The following TMEM170B variants were observed in gnomAD, a reference collection of about 807,000 sequenced individuals.
The protein encoded by TMEM170B is transmembrane protein 170B.
Under a neutral mutation model 13.0 loss-of-function variants are expected in TMEM170B, and 6 were observed. The ratio of observed to expected loss-of-function variants is 0.46; its 90% CI spans 0.25 to 0.91. The LOEUF is 0.91. TMEM170B is among the 40% of genes least tolerant of loss of function. The pLI is 0.17. For synonymous variants in TMEM170B, 61 were observed against 64.9 expected, an observed-to-expected ratio of 0.94 and a Z score of 0.29; for missense variants, 138 against 165.2, an observed-to-expected ratio of 0.84 and a Z score of 0.90.
chr6:11,543,003 C>G (rs1050560888), intron 1 of TMEM170B, among the ~76,000 whole-genome samples: 2 of 152,188 alleles, frequency 1.3e-5, no homozygotes, highest in Non-Finnish European at 2.9e-5. Flanking sequence ...GTCTTTGCCT[C>G]TAGACTCCTC....
At chr6:11,557,489 C>T (rs537990557) in intron 1 of TMEM170B, among the ~76,000 whole-genome samples, 15 of 152,134 alleles carry the variant, frequency 9.9e-5, no homozygotes, top group Admixed American at 9.2e-4. Flanking sequence ...ATATCCTGCA[C>T]ATGCACCCCA....
At position 11,560,969 on chromosome 6, in the gene TMEM170B, G is replaced by A. The variant is rs939838294; in HGVS notation, c.98-4697G>A. Among the ~76,000 whole-genome samples the A allele has an allele frequency of 5.9e-5, 9 of 152,274 alleles. No individual in the cohort carries two copies. The South Asian group carries it at 1.9e-3, about 32-fold the overall frequency. ...AGCTGATGAAAGTTACAGATTGGGA[G>A]CAGAGCTATTTCTAGTATTGTTTGG... On this transcript the variant is annotated intron_variant, in intron 1 of 2. Transcript: ENST00000379426.
At position 11,538,244 on chromosome 6, in the gene TMEM170B, C is replaced by T. The variant is rs1759308005; in HGVS notation, c.-34C>T. 8.1e-7 allele frequency: 1 copy of T among 1,239,566 alleles called. No homozygotes were observed. The highest frequency in any genetic ancestry group is 1.0e-6 in the Non-Finnish European group (1 of 977,616). The allele number at this position is 1,239,566 out of a possible 1,614,324, so 76.8% of individuals were successfully genotyped here. On this transcript the variant is annotated 5_prime_UTR_variant, in exon 1 of 3. Transcript: ENST00000379426. ...CGCAGCCGCCGCCGCCGCCCGGCAC[C>T]CGAGGAGAGGGCGGCGGGCGCCCCT...
chr6:11,551,533 A>C (rs1759525273), intron 1 of TMEM170B, among the ~76,000 whole-genome samples: 1 of 152,162 alleles, frequency 6.6e-6, no homozygotes. Context: ...AAAAGCAGAA[A>C]ACTGTCTCGA....
rs991746752 is a variant in TMEM170B, at chr6:11,576,926, G to T, written c.*1365G>T. 2 of 152,112 alleles carry T rather than the reference G, an allele frequency of 1.3e-5. No individual in the cohort carries two copies. The highest frequency in any genetic ancestry group is 2.9e-5 in the Non-Finnish European group (2 of 67,962). 9.4% of individuals were successfully genotyped at this position (152,112 alleles called of 1,614,324 possible). ...TAAGAGGTTCTGGCAATACGTAATT[G>T]TAAGAGTATAGGAAGTAGGGTTGAA... On this transcript the variant is annotated 3_prime_UTR_variant, in exon 3 of 3. Coordinates refer to ENST00000379426, the MANE Select transcript of TMEM170B (RefSeq NM_001100829.3).
At chr6:11,542,093 G>A (rs1433985539) in intron 1 of TMEM170B, among the ~76,000 whole-genome samples, 2 of 152,140 alleles carry the variant, frequency 1.3e-5, no homozygotes, top group African/African-American at 4.8e-5. Context: ...CATGCTGTTG[G>A]AAAAATGGTA....
At chr6:11,552,988 T>C (rs1468255925) in intron 1 of TMEM170B, among the ~76,000 whole-genome samples, 5 of 152,226 alleles carry the variant, frequency 3.3e-5, no homozygotes, top group African/African-American at 4.8e-5. Context: ...CATAGGACTT[T>C]AGAAATTCGC....
rs1018949623 is a variant in TMEM170B, at chr6:11,576,538, C to G, written c.*977C>G. The G allele has an allele frequency of 6.6e-6, 1 of 152,024 alleles. No homozygotes were observed. 9.4% of individuals were successfully genotyped at this position (152,024 alleles called of 1,614,324 possible). The stretch of plus-strand genomic sequence containing the variant: ...GCATATATCTTGATTTTTGACAAAA[C>G]ATAAACAGTCTTTCATTCTGGAGTA... On this transcript the variant is annotated 3_prime_UTR_variant, in exon 3 of 3. Transcript: ENST00000379426.
intron 1 of TMEM170B, among the ~76,000 whole-genome samples, chr6:11,543,907 T>G (rs181680001): frequency 9.8e-5 from 15 of 152,330 alleles, no homozygotes; most frequent in African/African-American, 2.6e-4. Flanking sequence ...GAGACTGACC[T>G]CTAGAAAGTA....
At chr6:11,543,033 C>CA in intron 1 of TMEM170B, among the ~76,000 whole-genome samples, 3 of 152,292 alleles carry the variant, frequency 2.0e-5, no homozygotes, top group Non-Finnish European at 2.9e-5. Flanking sequence ...TACCATGCTA[C>CA]TTCAGCTACT....
chr6:11,540,919 C>T (rs1463622678), intron 1 of TMEM170B, among the ~76,000 whole-genome samples: 1 of 152,164 alleles, frequency 6.6e-6, no homozygotes, highest in Non-Finnish European at 1.5e-5. Context: ...CATCACAGCT[C>T]TTGGTTGACC....
chr6:11,538,103 C>T lies in TMEM170B; in HGVS notation c.-175C>T, dbSNP rs988117684. The stretch of plus-strand genomic sequence containing the variant: ...CTGCCTGGGAGACACGCTGAGCGGC[C>T]CCCCCACGGAGGCCCTCCGGCTGCA... On this transcript the variant is annotated 5_prime_UTR_variant, in exon 1 of 3. Transcript: ENST00000379426. Among the ~76,000 whole-genome samples the T allele has an allele frequency of 3.3e-5, 5 of 151,116 alleles. No individual in the cohort carries two copies. In the East Asian group the frequency reaches 5.9e-4, roughly 18 times the overall value.
Position 11,575,555 on chromosome 6 carries a change from A to G in TMEM170B, c.393A>G (p.Thr131=), listed in dbSNP as rs1316976741. 1.9e-6 allele frequency: 3 copies of G among 1,612,880 alleles called. No homozygotes were observed. In the African/African-American group the frequency reaches 4.0e-5, roughly 22 times the overall value. The change falls in exon 3 of 3, where the codon ACA becomes ACG. Residue 131 remains threonine, a synonymous_variant. Transcript: ENST00000379426. The surrounding 1 kb of genome is among the most constrained non-coding windows in gnomAD (Gnocchi z 4.1). ...LIISFSRILA[T]L ...TCTCCTTTTCAAGGATCCTCGCTAC[A>G]CTTTGAGGTTTCTGTGGGAATGTCT...
intron 1 of TMEM170B, among the ~76,000 whole-genome samples, chr6:11,543,858 A>G (rs1056408042): frequency 1.3e-5 from 2 of 152,224 alleles, no homozygotes; most frequent in Admixed American, 1.3e-4. Context: ...TATTATCCCA[A>G]TAGGTGAAGT....
intron 1 of TMEM170B, among the ~76,000 whole-genome samples, chr6:11,553,243 AAAAC>A (rs1425037888): frequency 6.6e-6 from 1 of 152,182 alleles, no homozygotes; most frequent in Non-Finnish European, 1.5e-5. Context: ...GTTTAATTGA[AAAAC>A]AAAAATCCAC....
At chr6:11,566,825 C>T (rs920820705) in intron 2 of TMEM170B, among the ~76,000 whole-genome samples, 2 of 152,196 alleles carry the variant, frequency 1.3e-5, no homozygotes, top group Non-Finnish European at 2.9e-5. Context: ...GGCGAGCATG[C>T]GCAGTGTGTT....
chr6:11,568,615 T>C (rs1420452564), intron 2 of TMEM170B, among the ~76,000 whole-genome samples: 1 of 152,212 alleles, frequency 6.6e-6, no homozygotes, highest in Non-Finnish European at 1.5e-5. Flanking sequence ...TCCTTAAAAA[T>C]GTAAGTCTGA....
At chr6:11,555,554 A>G (rs190488510) in intron 1 of TMEM170B, among the ~76,000 whole-genome samples, 20 of 152,274 alleles carry the variant, frequency 1.3e-4, no homozygotes, top group African/African-American at 2.6e-4. Flanking sequence ...CTGGACTCCA[A>G]TTACATATAT....
intron 1 of TMEM170B, among the ~76,000 whole-genome samples, chr6:11,555,489 T>G (rs1260175882): frequency 6.6e-6 from 1 of 152,140 alleles, no homozygotes; most frequent in African/African-American, 2.4e-5. Flanking sequence ...TTTTGAAAAA[T>G]TTTCAGCATC....
Sources: allele counts gnomAD v4.1 joint callset (sites outside exome capture counted in the v4.1 genomes callset), GRCh38; gene constraint gnomAD v4.1.1; non-coding constraint Gnocchi (gnomAD v3.1); transcripts MANE v1.5; gene names NCBI Gene and HGNC (gene_info 2026-07-23, HGNC 2026-07-21).